The following ACACA variants were observed in gnomAD, a reference collection of about 807,000 sequenced individuals.
ACACA encodes the protein acetyl-CoA carboxylase alpha, also known as acetyl-CoA carboxylase 1.
In ACACA, 103 loss-of-function variants were observed where a neutral mutation model predicts 296.1. The ratio of observed to expected loss-of-function variants is 0.35; its 90% CI spans 0.30 to 0.41. The LOEUF is 0.41. Among genes scored for constraint, ACACA ranks in the 10% least tolerant of loss-of-function variants. The pLI is 1.00. For synonymous variants in ACACA, 953 were observed against 1,038.6 expected, an observed-to-expected ratio of 0.92 and a Z score of 1.58; for missense variants, 1,554 against 2,989.7, an observed-to-expected ratio of 0.52 and a Z score of 11.20.
At chr17:37,260,296 ATTTTT>A (rs1165828702) in intron 11 of ACACA, among the ~76,000 whole-genome samples, 250 of 18,908 alleles carry the variant, frequency 0.013, 7 homozygotes, top group African/African-American at 0.02. Flanking sequence ...ATATATATAT[ATTTTT>A]TTTTTTTTTT....
At chr17:37,098,946 T>C (rs950849905) in intron 52 of ACACA, among the ~76,000 whole-genome samples, 5 of 152,168 alleles carry the variant, frequency 3.3e-5, no homozygotes, top group African/African-American at 1.2e-4. Context: ...GCCTGCCTAG[T>C]AAGGAGGAGT....
intron 1 of ACACA, among the ~76,000 whole-genome samples, chr17:37,380,417 A>G (rs956624653): frequency 2.6e-5 from 4 of 151,916 alleles, no homozygotes; most frequent in Non-Finnish European, 5.9e-5. Flanking sequence ...CTAAAACTTA[A>G]AGTATAATAA....
intron 11 of ACACA, among the ~76,000 whole-genome samples, chr17:37,262,275 T>C (rs1016158814): frequency 1.3e-5 from 2 of 152,180 alleles, no homozygotes; most frequent in Non-Finnish European, 2.9e-5. Flanking sequence ...CTAGGTATAA[T>C]TGTGTAACTG....
intron 52 of ACACA, among the ~76,000 whole-genome samples, chr17:37,109,600 A>G (rs2142989431): frequency 6.6e-6 from 1 of 152,352 alleles, no homozygotes; most frequent in African/African-American, 2.4e-5. Flanking sequence ...GTTTTCTCCA[A>G]TGCGGATAGG....
intron 25 of ACACA, 123 bp downstream of exon 25, chr17:37,234,852 C>T (rs1229978760): frequency 9.0e-7 from 1 of 1,106,310 alleles, no homozygotes. Context: ...CAGCTCAAGC[C>T]CCATTCATCC....
chr17:37,198,774 T>G (rs544093576), intron 35 of ACACA, among the ~76,000 whole-genome samples: 2 of 152,302 alleles, frequency 1.3e-5, no homozygotes, highest in Admixed American at 1.3e-4. Context: ...CAAGGTGAAC[T>G]GTATGAAGGA....
rs61529137 is a variant in ACACA at position 37,105,864 on chromosome 17, C to CA, written c.6565+5666dup. On this transcript the variant is annotated intron_variant, in intron 52 of 55. Coordinates refer to ENST00000616317, the MANE Select transcript of ACACA (RefSeq NM_198834.3). ...GGGCAACAAGAGCGAAACTCTGTCTCAAAAAAAAAAAAAAAAGAAAGAAAG... is the reference window on the plus strand; with the variant it reads ...GGGCAACAAGAGCGAAACTCTGTCTCAAAAAAAAAAAAAAAAAGAAAGAAAG... Among the ~76,000 whole-genome samples the CA allele has an allele frequency of 3.8e-3, 441 of 115,448 alleles. 2 individuals carry two copies. Among genetic ancestry groups the CA allele is most frequent in the Middle Eastern group, 5.2e-3 (1 of 192 alleles). The allele number at this position is 115,448 out of a possible 152,430, so 75.7% of individuals were successfully genotyped here. A position where few individuals can be genotyped will look rare whatever the true frequency, so the allele number is the denominator to read the frequency against.
Position 37,257,850 on chromosome 17 carries a change from G to A in ACACA, c.1679C>T (p.Ser560Leu). Reference sequence around the variant, plus strand: ...GAAATTTAGCTCCTGAACTGTTCCTGAGCTGGGCTTAAAACCCTGTTAGAG... The same window carrying A: ...GAAATTTAGCTCCTGAACTGTTCCTAAGCTGGGCTTAAAACCCTGTTAGAG... ...ENPDEGFKPS[S>L]GTVQELNFRS... Residue 560 changes from serine (S) to leucine (L), a missense_variant, in exon 14 of 56, where the codon TCA (serine) becomes TTA (leucine). Around this residue, in one of 16 missense-constraint regions of ACACA, gnomAD observed 35 missense variants for 139.4 expected, o/e 0.25. Coordinates refer to ENST00000616317, the MANE Select transcript of ACACA (RefSeq NM_198834.3). The A allele has an allele frequency of 6.2e-7, 1 of 1,614,148 alleles. No individual in the cohort carries two copies. Among genetic ancestry groups the A allele is most frequent in the Non-Finnish European group, 8.5e-7 (1 of 1,180,004 alleles).
intron 3 of ACACA, among the ~76,000 whole-genome samples, chr17:37,315,813 T>A (rs182381230): frequency 6.6e-6 from 1 of 152,156 alleles, no homozygotes; most frequent in Non-Finnish European, 1.5e-5. Flanking sequence ...TGAACTCTGT[T>A]GTTTACAAGG....
chr17:37,189,091 T>C (rs1214503105), intron 38 of ACACA, among the ~76,000 whole-genome samples: 2 of 152,232 alleles, frequency 1.3e-5, no homozygotes, highest in Admixed American at 1.3e-4. Context: ...TTTAATAAGA[T>C]GGGGCAGATG....
chr17:37,162,562 T>C lies in ACACA; in HGVS notation c.5080-512A>G, dbSNP rs973599955. ...TGATCTGAGTTTATGCTAGATCTGG[T>C]TGTTTGAAAGAGTGTGGCCTCTTGT... On this transcript the variant is annotated intron_variant, in intron 41 of 55. Transcript: ENST00000616317. 5.4e-5 allele frequency: 14 copies of C among 260,910 alleles called. No homozygotes were observed. In the East Asian group the frequency reaches 1.5e-3, roughly 27 times the overall value. 16.2% of individuals were successfully genotyped at this position (260,910 alleles called of 1,614,324 possible). A position where few individuals can be genotyped will look rare whatever the true frequency, so the allele number is the denominator to read the frequency against.
chr17:37,371,857 G>A (rs1306380517), intron 1 of ACACA, among the ~76,000 whole-genome samples: 5 of 151,962 alleles, frequency 3.3e-5, no homozygotes, highest in East Asian at 3.9e-4. Flanking sequence ...CTGAGATCAC[G>A]CCACCGTACT....
chr17:37,287,101 A>G (rs779360438), intron 3 of ACACA, among the ~76,000 whole-genome samples: 25 of 152,140 alleles, frequency 1.6e-4, no homozygotes, highest in Admixed American at 3.9e-4. Flanking sequence ...ATTAAATAAG[A>G]TAGTGGACAT....
At chr17:37,353,360 G>A (rs1282918153) in intron 1 of ACACA, among the ~76,000 whole-genome samples, 1 of 152,024 alleles carries the variant, frequency 6.6e-6, no homozygotes, top group Non-Finnish European at 1.5e-5. Context: ...AAGAAGATAG[G>A]CTGGGCACGG....
Position 37,283,291 on chromosome 17 carries a change from G to A in ACACA, c.586C>T (p.Pro196Ser). The A allele has an allele frequency of 1.2e-6, 2 of 1,614,088 alleles. No individual in the cohort carries two copies. Among genetic ancestry groups the A allele is most frequent in the Non-Finnish European group, 1.7e-6 (2 of 1,179,998 alleles). Residue 196 changes from proline (P) to serine (S), a missense_variant, in exon 5 of 56, where the codon CCT becomes TCT. Pro to Ser is a moderately conservative substitution (Grantham distance 74). Transcript: ENST00000616317. ...CCTGCATTGGCTTTAAGGTCTTCAG[G>A]TGTGACCATGACAACGAATCTAATT... ...RAIRFVVMVT[P>S]EDLKANAEYI...
At chr17:37,288,443 G>T (rs1432710949) in intron 3 of ACACA, among the ~76,000 whole-genome samples, 1 of 152,188 alleles carries the variant, frequency 6.6e-6, no homozygotes, top group Non-Finnish European at 1.5e-5. Flanking sequence ...ATATGACAAG[G>T]ATAACTAATC....
At chr17:37,356,091 C>CT (rs1230064490) in intron 1 of ACACA, among the ~76,000 whole-genome samples, 1 of 151,836 alleles carries the variant, frequency 6.6e-6, no homozygotes. Flanking sequence ...TTGCTAGAAC[C>CT]TGAGAGGTGG....
At chr17:37,169,593 G>C (rs1462088619) in intron 41 of ACACA, among the ~76,000 whole-genome samples, 1 of 151,856 alleles carries the variant, frequency 6.6e-6, no homozygotes, top group Non-Finnish European at 1.5e-5. Flanking sequence ...TCTATAGATG[G>C]GTCTATCTAT....
chr17:37,263,859 C>G lies in ACACA; in HGVS notation c.1155G>C (p.Val385=). Residue 385 remains valine (V), a synonymous_variant, in exon 11 of 56, where the codon GTG becomes GTC. Coordinates refer to ENST00000616317, the MANE Select transcript of ACACA (RefSeq NM_198834.3). ...GACGAGATTGTTTGGCTAGTCTCAT[C>G]ACAAATATGGGAGATCCAGGAACTT... ...QAEVPGSPIF[V]MRLAKQSRHL... is the part of the protein sequence containing the mutation. 6.2e-7 allele frequency: 1 copy of G among 1,613,792 alleles called. No homozygotes were observed. Among genetic ancestry groups the G allele is most frequent in the Non-Finnish European group, 8.5e-7 (1 of 1,179,960 alleles).
Sources: allele counts gnomAD v4.1 joint callset (sites outside exome capture counted in the v4.1 genomes callset), GRCh38; gene constraint gnomAD v4.1.1; regional missense constraint gnomAD v4.1.1; transcripts MANE v1.5; gene names NCBI Gene and HGNC (gene_info 2026-07-23, HGNC 2026-07-21).